The following ADAP1 variants were observed in gnomAD, a reference collection of about 807,000 sequenced individuals.
The protein encoded by ADAP1 is arf-GAP with dual PH domain-containing protein 1.
A neutral mutation model predicts 54.9 loss-of-function variants in ADAP1; 31 were observed. The ratio of observed to expected loss-of-function variants is 0.56; its 90% CI spans 0.42 to 0.76. ADAP1 has a LOEUF of 0.76. Among genes scored for constraint, ADAP1 ranks in the 30% least tolerant of loss-of-function variants. The probability of loss-of-function intolerance (pLI) is 0.00; values close to 1 mark genes in which losing one functional copy is unlikely to be tolerated. For synonymous variants in ADAP1, 313 were observed against 202.6 expected, an observed-to-expected ratio of 1.55 and a Z score of -4.63; for missense variants, 535 against 512.4, an observed-to-expected ratio of 1.04 and a Z score of -0.42.
At chr7:908,112 G>A (rs966992487) in intron 4 of ADAP1, among the ~76,000 whole-genome samples, 1 of 152,168 alleles carries the variant, frequency 6.6e-6, no homozygotes, top group Admixed American at 6.5e-5. Flanking sequence ...GGTCATCTGA[G>A]GGCAGGGGCT....
chr7:907,610 G>T (rs1048989016), intron 4 of ADAP1, among the ~76,000 whole-genome samples: 2 of 152,182 alleles, frequency 1.3e-5, no homozygotes, highest in African/African-American at 4.8e-5. Context: ...CCTGTCCGTG[G>T]TTCCTATCGT....
intron 4 of ADAP1, among the ~76,000 whole-genome samples, chr7:912,103 C>T (rs1845748814): frequency 6.6e-6 from 1 of 152,342 alleles, no homozygotes; most frequent in South Asian, 2.1e-4. Context: ...CCCTCCTGGG[C>T]TCCGTCTGCC....
rs1354287297 is a variant in ADAP1, at chr7:920,289, G to A, written c.306-239C>T. Among the ~76,000 whole-genome samples, 1 of 152,094 alleles carries A rather than the reference G, an allele frequency of 6.6e-6. No homozygotes were observed. Among genetic ancestry groups the A allele is most frequent in the Non-Finnish European group, 1.5e-5 (1 of 67,998 alleles). On this transcript the variant is annotated intron_variant, in intron 3 of 10. Coordinates refer to ENST00000265846, the MANE Select transcript of ADAP1 (RefSeq NM_006869.4). This position sits in a 1 kb window ranked among gnomAD's most constrained non-coding sequence, Gnocchi z 4.5. ...GTGCGTTCGGCCCCCGGAGCATCAG[G>A]CCTCACGTTCTGCACAAGCGTTCCC...
At chr7:903,868 C>T (rs1033745838) in intron 6 of ADAP1, 31 of 432,488 alleles carry the variant, frequency 7.2e-5, no homozygotes, top group Middle Eastern at 6.5e-4. Flanking sequence ...CGTGGTGATC[C>T]GGCTCCTGGG....
chr7:943,421 T>A (rs1289455266), intron 1 of ADAP1, among the ~76,000 whole-genome samples: 1 of 2,896 alleles, frequency 3.5e-4, no homozygotes, highest in Non-Finnish European at 6.1e-4. Flanking sequence ...AGGAAGGGAA[T>A]GAGGAGGAGG....
At chr7:910,930 G>A (rs1025069456) in intron 4 of ADAP1, among the ~76,000 whole-genome samples, 20 of 152,190 alleles carry the variant, frequency 1.3e-4, no homozygotes, top group African/African-American at 4.8e-4. Flanking sequence ...GGAGCCCACG[G>A]CAGAGCAGTG....
At chr7:927,941 G>A (rs1450212463) in intron 2 of ADAP1, among the ~76,000 whole-genome samples, 1 of 151,922 alleles carries the variant, frequency 6.6e-6, no homozygotes, top group African/African-American at 2.4e-5. Context: ...GCCAGCCGGG[G>A]ACAGGGGCTC....
intron 1 of ADAP1, among the ~76,000 whole-genome samples, chr7:952,088 C>G (rs1414731673): frequency 6.6e-6 from 1 of 151,770 alleles, no homozygotes; most frequent in Non-Finnish European, 1.5e-5. Context: ...TGGGTCCAGG[C>G]ACGCCCCAAC....
At chr7:905,246 G>C (rs557532403) in intron 4 of ADAP1, 74 bp from the exon 5 acceptor site, 3 of 1,089,332 alleles carry the variant, frequency 2.8e-6, no homozygotes, top group East Asian at 2.8e-5. Flanking sequence ...CGATGGACAG[G>C]ACAGAGGGGA....
chr7:905,812 GA>G lies in ADAP1; in HGVS notation c.389-641del, dbSNP rs1189122644. Among the ~76,000 whole-genome samples, 11 of 28,860 alleles carry G rather than the reference GA, an allele frequency of 3.8e-4. 1 individual carries two copies. Among genetic ancestry groups the G allele is most frequent in the East Asian group, 1.5e-3 (1 of 656 alleles). The allele number at this position is 28,860 out of a possible 152,430, so 18.9% of individuals were successfully genotyped here. A position where few individuals can be genotyped will look rare whatever the true frequency, so the allele number is the denominator to read the frequency against. ...AAAGGAGAAAGGAGAAAGGAGAAAG[GA>G]GAAGGGAGAAGGGAGAAGGGAGAAG... On this transcript the variant is annotated intron_variant, in intron 4 of 10. Transcript: ENST00000265846.
At chr7:944,209 G>A (rs373750152) in intron 1 of ADAP1, among the ~76,000 whole-genome samples, 15 of 150,964 alleles carry the variant, frequency 9.9e-5, no homozygotes, top group African/African-American at 3.4e-4. Flanking sequence ...GAGCCACTTC[G>A]CCTAACCAAG....
chr7:898,876 C>T lies in ADAP1; in HGVS notation c.*45G>A. On this transcript the variant is annotated 3_prime_UTR_variant, in exon 11 of 11. Transcript: ENST00000265846. ...CCCCCCATCCACGGGTCCCCTCCGT[C>T]CAGCCACAGTGAGTCCAATGTCCGT... 2 of 1,571,474 alleles carry T rather than the reference C, an allele frequency of 1.3e-6. No individual in the cohort carries two copies. Among genetic ancestry groups the T allele is most frequent in the Non-Finnish European group, 1.7e-6 (2 of 1,160,322 alleles).
intron 2 of ADAP1, among the ~76,000 whole-genome samples, chr7:929,788 C>A (rs563768652): frequency 6.6e-6 from 1 of 152,094 alleles, no homozygotes; most frequent in South Asian, 2.1e-4. Flanking sequence ...TGGATTATAC[C>A]TCAACAAAGC....
intron 1 of ADAP1, among the ~76,000 whole-genome samples, chr7:953,377 G>A (rs1356932554): frequency 6.6e-6 from 1 of 152,236 alleles, no homozygotes; most frequent in Non-Finnish European, 1.5e-5. Context: ...GGGGCTGGCA[G>A]AGACCCCTCC....
chr7:905,894 A>AGAAG (rs1845249925), intron 4 of ADAP1, among the ~76,000 whole-genome samples: 1 of 18,766 alleles, frequency 5.3e-5, no homozygotes, highest in Non-Finnish European at 1.2e-4. Context: ...GAAAGGAGAA[A>AGAAG]GGAGAAAGGA....
At position 926,759 on chromosome 7, in the gene ADAP1, C is replaced by T. The variant is rs1178958625; in HGVS notation, c.214-115G>A. 2 of 856,290 alleles carry T rather than the reference C, an allele frequency of 2.3e-6. No homozygotes were observed. The highest frequency in any genetic ancestry group is 3.6e-5 in the African/African-American group (2 of 56,084). The allele number at this position is 856,290 out of a possible 1,614,324, so 53.0% of individuals were successfully genotyped here. A position where few individuals can be genotyped will look rare whatever the true frequency, so the allele number is the denominator to read the frequency against. On this transcript the variant is annotated intron_variant, in intron 2 of 10. Coordinates refer to ENST00000265846, the MANE Select transcript of ADAP1 (RefSeq NM_006869.4). The surrounding 1 kb of genome is among the most constrained non-coding windows in gnomAD (Gnocchi z 4.6). Reference sequence around the variant, plus strand: ...ACCCGCAGACCCAAGGCTCTGAGGGCTCCACCAGCACCAGGACGGGAACGC... The same window carrying T: ...ACCCGCAGACCCAAGGCTCTGAGGGTTCCACCAGCACCAGGACGGGAACGC...
intron 3 of ADAP1, among the ~76,000 whole-genome samples, chr7:924,689 C>T (rs1376354971): frequency 6.6e-6 from 1 of 151,296 alleles, no homozygotes; most frequent in African/African-American, 2.4e-5. Flanking sequence ...GGAGTCTCCT[C>T]ACCCAGGACC....
chr7:906,791 C>CATGGACATGGG (rs60095382), intron 4 of ADAP1, among the ~76,000 whole-genome samples: 2 of 28,686 alleles, frequency 7.0e-5, no homozygotes, highest in Non-Finnish European at 1.7e-4. Context: ...ACACGGGGGA[C>CATGGACATGGG]GGGACAGGGG....
rs369492440 is a variant in ADAP1, at chr7:905,456, G to GA, written c.389-285_389-284insT. On this transcript the variant is annotated intron_variant, in intron 4 of 10. Coordinates refer to ENST00000265846, the MANE Select transcript of ADAP1 (RefSeq NM_006869.4). ...AGGAGAAAGGGAGAAAGGGAGAAAGGGAAAGGAGAAAGGAGAAAGGGAAAG... is the reference window on the plus strand; with the variant it reads ...AGGAGAAAGGGAGAAAGGGAGAAAGGAGAAAGGAGAAAGGAGAAAGGGAAAG... 7.0e-4 allele frequency: 58 copies of GA among 82,696 alleles called. 3 individuals are homozygous for GA. Among genetic ancestry groups the GA allele is most frequent in the Admixed American group, 1.8e-3 (13 of 7,146 alleles). The allele number at this position is 82,696 out of a possible 1,614,324, so 5.1% of individuals were successfully genotyped here. A position where few individuals can be genotyped will look rare whatever the true frequency, so the allele number is the denominator to read the frequency against.
Sources: allele counts gnomAD v4.1 joint callset (sites outside exome capture counted in the v4.1 genomes callset), GRCh38; gene constraint gnomAD v4.1.1; non-coding constraint Gnocchi (gnomAD v3.1); transcripts MANE v1.5; gene names NCBI Gene and HGNC (gene_info 2026-07-23, HGNC 2026-07-21).